ARCN1: variants seen among roughly 807,000 people sequenced by gnomAD.
The protein encoded by ARCN1 is archain 1 coat protein complex I subunit delta.
In ARCN1, 5 loss-of-function variants were observed where a neutral mutation model predicts 60.4. That is an observed-to-expected ratio of 0.08 (90% CI 0.04 to 0.17). The LOEUF is 0.17. Ranked by LOEUF, ARCN1 falls within the 10% of genes least tolerant of loss-of-function variation. The pLI, the probability that ARCN1 is intolerant of heterozygous loss-of-function variation, is 1.00. For synonymous variants in ARCN1, 224 were observed against 220.0 expected, an observed-to-expected ratio of 1.02 and a Z score of -0.16; for missense variants, 464 against 626.5, an observed-to-expected ratio of 0.74 and a Z score of 2.77.
In ARCN1 at chr11:118,602,194, A is replaced by T. The variant is rs1939161516; in HGVS notation, c.*1480A>T. The T allele has an allele frequency of 6.4e-6, 1 of 156,626 alleles. No individual in the cohort carries two copies. The highest frequency in any genetic ancestry group is 2.4e-5 in the African/African-American group (1 of 41,476). 9.7% of individuals were successfully genotyped at this position (156,626 alleles called of 1,614,324 possible). A position where few individuals can be genotyped will look rare whatever the true frequency, so the allele number is the denominator to read the frequency against. On this transcript the variant is annotated 3_prime_UTR_variant, in exon 10 of 10. Coordinates refer to ENST00000264028, the MANE Select transcript of ARCN1 (RefSeq NM_001655.5). ...ACTCACGTATACCCCATTTCCTTCC[A>T]GTCAGCCCAACATTTTCCACCAGTC...
At chr11:118,598,042 G>A in intron 9 of ARCN1, 131 bp downstream of exon 9, 4 of 781,156 alleles carry the variant, frequency 5.1e-6, no homozygotes, top group Non-Finnish European at 8.0e-6. Context: ...GTCTCCTACA[G>A]GAATTCCCTT....
Position 118,572,453 on chromosome 11 carries a change from A to T in ARCN1, c.-95A>T. 1 of 1,308,636 alleles carries T rather than the reference A, an allele frequency of 7.6e-7. No homozygotes were observed. The highest frequency in any genetic ancestry group is 1.0e-6 in the Non-Finnish European group (1 of 955,776). 81.1% of individuals were successfully genotyped at this position (1,308,636 alleles called of 1,614,324 possible). A position where few individuals can be genotyped will look rare whatever the true frequency, so the allele number is the denominator to read the frequency against. ...CGGCAGCGGTTCCTGTCAAGGGGGC[A>T]GCAGGTCCAGAGCTGCTGGTGCTCC... On this transcript the variant is annotated 5_prime_UTR_variant, in exon 1 of 10. Coordinates refer to ENST00000264028, the MANE Select transcript of ARCN1 (RefSeq NM_001655.5).
rs954535891 is a variant in ARCN1, at chr11:118,572,526, G to T, written c.-22G>T. ...TCCCCAGTGGAGCCGGAGTGCGGGC[G>T]CGCCCCACCACCGCCCTCACCATGG... On this transcript the variant is annotated 5_prime_UTR_variant, in exon 1 of 10. Coordinates refer to ENST00000264028, the MANE Select transcript of ARCN1 (RefSeq NM_001655.5). The T allele has an allele frequency of 1.2e-6, 2 of 1,611,200 alleles. No individual in the cohort carries two copies. The highest frequency in any genetic ancestry group is 2.2e-5 in the East Asian group (1 of 44,786).
intron 8 of ARCN1, 23 bp from the exon 9 acceptor site, chr11:118,597,684 G>A (rs1375426474): frequency 4.3e-6 from 7 of 1,612,250 alleles, no homozygotes; most frequent in African/African-American, 1.3e-5. Flanking sequence ...CAGCTACCTT[G>A]ACCAGAATGT....
At position 118,601,950 on chromosome 11, in the gene ARCN1, C is replaced by T. The variant is rs1939156797; in HGVS notation, c.*1236C>T. 1 of 537,476 alleles carries T rather than the reference C, an allele frequency of 1.9e-6. No homozygotes were observed. The highest frequency in any genetic ancestry group is 2.4e-5 in the South Asian group (1 of 41,252). The allele number at this position is 537,476 out of a possible 1,614,324, so 33.3% of individuals were successfully genotyped here. On this transcript the variant is annotated 3_prime_UTR_variant, in exon 10 of 10. Coordinates refer to ENST00000264028, the MANE Select transcript of ARCN1 (RefSeq NM_001655.5). ...AAACGTAATGGCCACAGTCTGTAATCCATTCACATTCCTCAGTTTCACCAC... is the reference window on the plus strand; with the variant it reads ...AAACGTAATGGCCACAGTCTGTAATTCATTCACATTCCTCAGTTTCACCAC...
chr11:118,585,618 C>G (rs1938761654), intron 5 of ARCN1, among the ~76,000 whole-genome samples: 1 of 152,090 alleles, frequency 6.6e-6, no homozygotes, highest in African/African-American at 2.4e-5. Flanking sequence ...CAGCTTGTTG[C>G]AACCTCTGCC....
In ARCN1 at chr11:118,590,477, A is replaced by C. The variant is rs1938879365; in HGVS notation, c.955A>C (p.Asn319His). ...KYGRIRLHVE[N>H]EDKKGVQLQT... ...TGGCCGAATTCGTCTTCATGTGGAA[A>C]ATGAAGATAAGAAAGGGGTGCAGCT... The change falls in exon 6 of 10, where the codon AAT becomes CAT. Residue 319 changes from asparagine (N) to histidine (H), a missense_variant. Physicochemically the swap from Asn to His is moderately conservative, Grantham distance 68. This residue lies in a region of ARCN1 where 359 missense variants were observed against 440.2 expected (regional missense o/e 0.82). Coordinates refer to ENST00000264028, the MANE Select transcript of ARCN1 (RefSeq NM_001655.5). 5.0e-6 allele frequency: 8 copies of C among 1,614,076 alleles called. No homozygotes were observed. In the South Asian group the frequency reaches 8.8e-5, roughly 18 times the overall value.
chr11:118,578,872 C>CTTT, intron 1 of ARCN1, among the ~76,000 whole-genome samples: 3 of 76,008 alleles, frequency 3.9e-5, no homozygotes, highest in African/African-American at 1.6e-4. Context: ...AACCCCGTCT[C>CTTT]TCTTTTTTTT....
chr11:118,592,540 T>G (rs1938935536), intron 6 of ARCN1, among the ~76,000 whole-genome samples, 169 bp from the exon 7 acceptor site: 1 of 152,204 alleles, frequency 6.6e-6, no homozygotes, highest in African/African-American at 2.4e-5. Flanking sequence ...TCTTAAATCA[T>G]TTTAAAATAA....
chr11:118,580,095 G>T (rs1938617486), intron 1 of ARCN1, among the ~76,000 whole-genome samples: 1 of 152,060 alleles, frequency 6.6e-6, no homozygotes, highest in African/African-American at 2.4e-5. Context: ...GGCCAAGGTG[G>T]GCTGATCACT....
chr11:118,595,516 C>T (rs550652095), intron 8 of ARCN1, among the ~76,000 whole-genome samples: 9 of 152,240 alleles, frequency 5.9e-5, no homozygotes, highest in African/African-American at 2.2e-4. Flanking sequence ...TCATGTCAAC[C>T]CCAGAAGTTG....
chr11:118,601,551 C>CTT lies in ARCN1; in HGVS notation c.*838_*839insTT. On this transcript the variant is annotated 3_prime_UTR_variant, in exon 10 of 10. Coordinates refer to ENST00000264028, the MANE Select transcript of ARCN1 (RefSeq NM_001655.5). ...CAGGCATTATATTTATTTGGCACTC[C>CTT]TGGAACAAGTATATCTAACCCATTC... 1.5e-6 allele frequency: 1 copy of CTT among 680,300 alleles called. No individual in the cohort carries two copies. Among genetic ancestry groups the CTT allele is most frequent in the Non-Finnish European group, 2.7e-6 (1 of 373,316 alleles). The allele number at this position is 680,300 out of a possible 1,614,324, so 42.1% of individuals were successfully genotyped here. A position where few individuals can be genotyped will look rare whatever the true frequency, so the allele number is the denominator to read the frequency against.
rs781939958 is a variant in ARCN1 at position 118,597,729 on chromosome 11, A to G, written c.1264A>G (p.Ile422Val). The G allele has an allele frequency of 2.5e-6, 4 of 1,614,038 alleles. No individual in the cohort carries two copies. The Admixed American group carries it at 5.0e-5, about 20-fold the overall frequency. ...CAGGTCTGGTGTCGGCGCGCCTGTT[A>G]TCGGTGAGATCGATGGGGAGTATCG... The part of the protein sequence containing the change: ...PLPSGVGAPV[I>V]GEIDGEYRHD... The change falls in exon 9 of 10, where the codon ATC becomes GTC. Residue 422 changes from isoleucine to valine, a missense_variant. By Grantham distance (29) the Ile-to-Val change is conservative. Transcript: ENST00000264028.
chr11:118,584,062 T>G (rs1938721893), intron 4 of ARCN1, 48 bp downstream of exon 4: 5 of 1,540,054 alleles, frequency 3.2e-6, no homozygotes, highest in Non-Finnish European at 4.4e-6. Context: ...TGTATATGTG[T>G]CTATCTTTGA....
chr11:118,587,091 T>C (rs1259330655), intron 5 of ARCN1, among the ~76,000 whole-genome samples: 2 of 152,208 alleles, frequency 1.3e-5, no homozygotes, highest in African/African-American at 2.4e-5. Context: ...AAAATATTTT[T>C]TGTAGCCTCT....
intron 6 of ARCN1, among the ~76,000 whole-genome samples, chr11:118,591,162 T>G (rs1253460430): frequency 6.6e-6 from 1 of 152,254 alleles, no homozygotes; most frequent in African/African-American, 2.4e-5. Context: ...GTGTTCCAAC[T>G]ATTGGATAGA....
chr11:118,598,056 A>G (rs1591392770), intron 9 of ARCN1, 145 bp downstream of exon 9: 1 of 725,950 alleles, frequency 1.4e-6, no homozygotes, highest in East Asian at 2.7e-5. Flanking sequence ...TTCCCTTTCT[A>G]ATTCATTGTA....
chr11:118,582,317 A>G (rs1225543071), intron 2 of ARCN1, among the ~76,000 whole-genome samples: 2 of 151,942 alleles, frequency 1.3e-5, no homozygotes, highest in Non-Finnish European at 2.9e-5. Flanking sequence ...TAATTTTTGT[A>G]CGGGGTTTCA....
chr11:118,582,924 C>A (rs765238298), intron 2 of ARCN1, among the ~76,000 whole-genome samples: 7 of 151,820 alleles, frequency 4.6e-5, no homozygotes, highest in Non-Finnish European at 5.9e-5. Context: ...ACCTGTAGTC[C>A]CAGCTACTCC....
Sources: gnomAD v4.1 joint callset for allele counts (sites outside exome capture counted in the v4.1 genomes callset) on GRCh38, gnomAD v4.1.1 for gene constraint, gnomAD v4.1.1 regional missense constraint, MANE v1.5 for transcripts, NCBI Gene and HGNC (gene_info 2026-07-23, HGNC 2026-07-21) for gene names.